The following PRKAG2 variants were observed in gnomAD, a reference collection of about 807,000 sequenced individuals.
PRKAG2 encodes 5'-AMP-activated protein kinase subunit gamma-2.
Under a neutral mutation model 69.6 loss-of-function variants are expected in PRKAG2, and 26 were observed. The ratio of observed to expected loss-of-function variants is 0.37; its 90% confidence interval spans 0.27 to 0.52. The LOEUF (loss-of-function observed/expected upper bound fraction) is 0.52. PRKAG2 is among the 20% of genes least tolerant of loss of function. The pLI is 0.90. For missense variants in PRKAG2, 557 were observed against 740.0 expected, an observed-to-expected ratio of 0.75 and a Z score of 2.87; for synonymous variants, 293 against 285.0, an observed-to-expected ratio of 1.03 and a Z score of -0.28.
rs527477932 is a variant in PRKAG2 at position 151,756,959 on chromosome 7, G to C, written c.466+24193C>G. On this transcript the variant is annotated intron_variant, in intron 3 of 15. Transcript: ENST00000287878. This position sits in a 1 kb window ranked among gnomAD's most constrained non-coding sequence, Gnocchi z 4.9. ...AGACGGGGTCAGCGCTGCGATTCGG[G>C]GGAGTAACCAGCGGTGAGCTTCAGG... is the stretch of plus-strand genomic sequence containing the variant. 2.7e-4 allele frequency among the ~76,000 whole-genome samples: 41 copies of C among 152,276 alleles called. No homozygotes were observed. The highest frequency in any genetic ancestry group is 9.9e-4 in the African/African-American group (41 of 41,552).
At chr7:151,717,893 C>T (rs1454602174) in intron 3 of PRKAG2, among the ~76,000 whole-genome samples, 1 of 152,174 alleles carries the variant, frequency 6.6e-6, no homozygotes, top group African/African-American at 2.4e-5. Context: ...TTGCTGGGGA[C>T]CTGCCTCAAA....
chr7:151,617,828 G>A, intron 5 of PRKAG2, among the ~76,000 whole-genome samples: 1 of 152,022 alleles, frequency 6.6e-6, no homozygotes. Flanking sequence ...AACTTAATAT[G>A]CTGAATTTCA....
Position 151,556,997 on chromosome 7 carries a change from A to T in PRKAG2, c.*204T>A. Reference sequence around the variant, plus strand: ...TTAAAATCCTTCAGACAAAGGTCTGAAAACAGTCTTTTAATGCAAGCCTGA... The same window carrying T: ...TTAAAATCCTTCAGACAAAGGTCTGTAAACAGTCTTTTAATGCAAGCCTGA... On this transcript the variant is annotated 3_prime_UTR_variant, in exon 16 of 16. Transcript: ENST00000287878. 1 of 773,232 alleles carries T rather than the reference A, an allele frequency of 1.3e-6. No homozygotes were observed. The highest frequency in any genetic ancestry group is 2.7e-5 in the Admixed American group (1 of 36,664). The allele number at this position is 773,232 out of a possible 1,614,324, so 47.9% of individuals were successfully genotyped here.
At chr7:151,866,839 C>T (rs960390136) in intron 1 of PRKAG2, among the ~76,000 whole-genome samples, 3 of 152,088 alleles carry the variant, frequency 2.0e-5, no homozygotes. Context: ...GGTGACAGAG[C>T]TGTCCTCCCA....
intron 1 of PRKAG2, among the ~76,000 whole-genome samples, chr7:151,866,503 C>T (rs1357993231): frequency 6.6e-6 from 1 of 152,130 alleles, no homozygotes; most frequent in Non-Finnish European, 1.5e-5. Flanking sequence ...GCAATATTAG[C>T]TCAATCTGTT....
At chr7:151,720,115 C>T (rs899424543) in intron 3 of PRKAG2, among the ~76,000 whole-genome samples, 1 of 152,196 alleles carries the variant, frequency 6.6e-6, no homozygotes, top group African/African-American at 2.4e-5. Context: ...GAAGGGCCCT[C>T]ATTCCACAGT....
intron 4 of PRKAG2, among the ~76,000 whole-genome samples, chr7:151,648,638 T>C (rs1827948841): frequency 6.6e-6 from 1 of 152,210 alleles, no homozygotes; most frequent in South Asian, 2.1e-4. Context: ...TAAACCAGTG[T>C]TTTTAAAACT....
At chr7:151,786,365 G>A (rs557993319) in intron 2 of PRKAG2, 105 bp downstream of exon 2, 15 of 1,122,348 alleles carry the variant, frequency 1.3e-5, no homozygotes, top group Admixed American at 5.9e-5. Context: ...GCGGACATGC[G>A]GGTGGGCGTG....
intron 10 of PRKAG2, 29 bp downstream of exon 10, chr7:151,570,142 G>C: frequency 6.3e-7 from 1 of 1,585,090 alleles, no homozygotes; most frequent in African/African-American, 1.3e-5. Flanking sequence ...CTGAATGAAT[G>C]TTTTCAAAGA....
intron 1 of PRKAG2, among the ~76,000 whole-genome samples, chr7:151,824,799 C>T (rs1005056630): frequency 2.6e-5 from 4 of 152,212 alleles, no homozygotes; most frequent in Non-Finnish European, 1.5e-5. Context: ...GACGTGGGGC[C>T]ACTTACTACC....
chr7:151,568,574 A>T (rs1806814938), intron 11 of PRKAG2, 142 bp downstream of exon 11: 1 of 834,598 alleles, frequency 1.2e-6, no homozygotes, highest in African/African-American at 1.7e-5. Context: ...GAGAGTAGTA[A>T]GTTGAGAAAC....
chr7:151,811,395 C>A (rs915381895), intron 1 of PRKAG2, among the ~76,000 whole-genome samples: 17 of 152,374 alleles, frequency 1.1e-4, no homozygotes, highest in African/African-American at 3.6e-4. Context: ...CAGCAGAATG[C>A]TCTGCCAGGC....
intron 1 of PRKAG2, among the ~76,000 whole-genome samples, chr7:151,800,357 C>CAAAAA (rs398048179): frequency 1.9e-5 from 2 of 104,190 alleles, no homozygotes; most frequent in East Asian, 2.9e-4. Context: ...GACTCTGTCT[C>CAAAAA]AAAAAAAAAA....
intron 3 of PRKAG2, among the ~76,000 whole-genome samples, chr7:151,705,582 A>G (rs1838450792): frequency 6.6e-6 from 1 of 152,190 alleles, no homozygotes; most frequent in South Asian, 2.1e-4. Flanking sequence ...TTCAGAGAGA[A>G]AGAGACGTGA....
chr7:151,824,423 C>T lies in PRKAG2; in HGVS notation c.115-37882G>A, dbSNP rs34254614. On this transcript the variant is annotated intron_variant, in intron 1 of 15. Transcript: ENST00000287878. ...TGTGGAAGGTAGTGCAGATAGTTGC[C>T]GGAACTCCTAAGCCGCGGTGAATGG... 1.7e-3 allele frequency among the ~76,000 whole-genome samples: 258 copies of T among 152,240 alleles called. 1 individual carries two copies. Among genetic ancestry groups the T allele is most frequent in the African/African-American group, 6.1e-3 (252 of 41,528 alleles).
At chr7:151,558,445 T>A (rs1277662826) in intron 15 of PRKAG2, 1 of 985,192 alleles carries the variant, frequency 1.0e-6, no homozygotes, top group Non-Finnish European at 1.2e-6. Flanking sequence ...GAGACGGGCC[T>A]GTATCAGCCG....
chr7:151,600,093 A>C (rs1461489559), intron 5 of PRKAG2, among the ~76,000 whole-genome samples: 1 of 152,082 alleles, frequency 6.6e-6, no homozygotes, highest in Non-Finnish European at 1.5e-5. Context: ...TTGAACTTGA[A>C]GCCTCTGGAT....
intron 3 of PRKAG2, among the ~76,000 whole-genome samples, chr7:151,687,216 G>A (rs1216444678): frequency 6.6e-6 from 1 of 152,162 alleles, no homozygotes; most frequent in East Asian, 1.9e-4. Context: ...CCTTCTTCAC[G>A]CTTGCTTGGA....
At chr7:151,712,255 C>A (rs1795449603) in intron 3 of PRKAG2, among the ~76,000 whole-genome samples, 1 of 152,196 alleles carries the variant, frequency 6.6e-6, no homozygotes, top group African/African-American at 2.4e-5. Flanking sequence ...CGGGCTCAGG[C>A]TCACTCACCC....
Sources: gnomAD v4.1 joint callset for allele counts (sites outside exome capture counted in the v4.1 genomes callset) on GRCh38, gnomAD v4.1.1 for gene constraint, Gnocchi (gnomAD v3.1) non-coding constraint, MANE v1.5 for transcripts, NCBI Gene and HGNC (gene_info 2026-07-23, HGNC 2026-07-21) for gene names.